Variants in OSMR observed in about 807,000 individuals in gnomAD.
OSMR encodes the protein oncostatin M receptor.
A neutral mutation model predicts 99.9 loss-of-function variants in OSMR; 81 were observed. The observed-to-expected ratio is 0.81, with a 90% CI of 0.68 to 0.97. OSMR has a LOEUF of 0.97. Ranked by LOEUF, OSMR falls within the 50% of genes least tolerant of loss-of-function variation. The probability of loss-of-function intolerance (pLI) is 0.00; values close to 1 mark genes in which losing one functional copy is unlikely to be tolerated. For synonymous variants in OSMR, 406 were observed against 410.4 expected (o/e 0.99, Z 0.13); for missense variants, 1,099 against 1,153.4 (o/e 0.95, Z 0.68).
intron 4 of OSMR, among the ~76,000 whole-genome samples, chr5:38,883,100 G>A (rs899945050): frequency 6.6e-6 from 1 of 152,178 alleles, no homozygotes; most frequent in Non-Finnish European, 1.5e-5. Context: ...GATTGCCTGA[G>A]CTCAGGAGTT....
At chr5:38,862,088 C>T (rs1741425807) in intron 1 of OSMR, among the ~76,000 whole-genome samples, 1 of 44,296 alleles carries the variant, frequency 2.3e-5, no homozygotes, top group Non-Finnish European at 4.5e-5. Context: ...GGCGGCTGGC[C>T]GGGTGGGGGG....
intron 1 of OSMR, among the ~76,000 whole-genome samples, chr5:38,859,346 C>T (rs755313193): frequency 1.1e-4 from 17 of 152,038 alleles, no homozygotes; most frequent in East Asian, 1.9e-4. Flanking sequence ...CACCATTTTT[C>T]GAAGAGTATG....
Position 38,925,244 on chromosome 5 carries a change from A to G in OSMR, c.2085A>G (p.Glu695=). 1 of 1,614,156 alleles carries G rather than the reference A, an allele frequency of 6.2e-7. No individual in the cohort carries two copies. The highest frequency in any genetic ancestry group is 1.1e-5 in the South Asian group (1 of 91,078). The part of the protein sequence containing the change: ...ECCKYKIDNP[E]EKALIVDNLK... ...GCAAATACAAAATTGACAACCCGGA[A>G]GAAAAGGCATTGATTGTGGACAACC... The change falls in exon 15 of 18, where the codon GAA becomes GAG. Residue 695 remains glutamate (E), a synonymous_variant. Transcript: ENST00000274276.
rs189612 is a variant in OSMR at position 38,926,668 on chromosome 5, C to G, written c.2212+1297C>G. 7.8e-3 allele frequency among the ~76,000 whole-genome samples: 1,194 copies of G among 152,246 alleles called. 22 individuals carry two copies. The highest frequency in any genetic ancestry group is 0.028 in the African/African-American group (1,161 of 41,540). On this transcript the variant is annotated intron_variant, in intron 15 of 17. Coordinates refer to ENST00000274276, the MANE Select transcript of OSMR (RefSeq NM_003999.3). Reference sequence around the variant, plus strand: ...CCAGGACACATGGGGAATATAGGAGCTGAAATATAAGATGAGATTTGGGTG... The same window carrying G: ...CCAGGACACATGGGGAATATAGGAGGTGAAATATAAGATGAGATTTGGGTG...
chr5:38,883,622 G>T, intron 4 of OSMR: 1 of 766,772 alleles, frequency 1.3e-6, no homozygotes, highest in Non-Finnish European at 1.6e-6. Flanking sequence ...AACAGCAGTG[G>T]TATCAGTGTA....
downstream of OSMR, chr5:38,945,115 A>G: frequency 7.6e-7 from 1 of 1,313,630 alleles, no homozygotes; most frequent in Non-Finnish European, 1.1e-6. Flanking sequence ...TAACGGCTTA[A>G]TTCCTGTGCT....
chr5:38,904,595 G>A, intron 9 of OSMR, 92 bp downstream of exon 9: 1 of 1,501,606 alleles, frequency 6.7e-7, no homozygotes, highest in Non-Finnish European at 9.2e-7. Context: ...CAAAAACTAA[G>A]AGAAAAATAT....
intron 8 of OSMR, 79 bp downstream of exon 8, chr5:38,904,103 T>C: frequency 6.3e-7 from 1 of 1,581,014 alleles, no homozygotes; most frequent in Non-Finnish European, 8.6e-7. Flanking sequence ...TAAAATCACT[T>C]TAAACTCTTA....
chr5:38,886,039 A>G lies in OSMR; in HGVS notation c.840A>G (p.Ser280=). 6.2e-7 allele frequency: 1 copy of G among 1,613,104 alleles called. No individual in the cohort carries two copies. Among genetic ancestry groups the G allele is most frequent in the Non-Finnish European group, 8.5e-7 (1 of 1,179,818 alleles). Residue 280 remains serine (S), a splice_region_variant and synonymous_variant, in exon 7 of 18, where the codon TCA becomes TCG. Coordinates refer to ENST00000274276, the MANE Select transcript of OSMR (RefSeq NM_003999.3). ...GTGTTATTTTGTTTTGTTTTTAAAG[A>G]TTTTCTGGGGAAAAGAAACTTTGTA... The part of the protein sequence containing the change: ...QPSQSYTLFE[S]FSGEKKLCTH...
At chr5:38,885,767 C>G (rs1743687007) in intron 6 of OSMR, 3 of 655,852 alleles carry the variant, frequency 4.6e-6, no homozygotes, top group South Asian at 6.8e-5. Flanking sequence ...TACCCAATTT[C>G]TGACTTTTTA....
At chr5:38,862,499 C>T (rs1426816233) in intron 1 of OSMR, among the ~76,000 whole-genome samples, 3 of 150,150 alleles carry the variant, frequency 2.0e-5, no homozygotes, top group Middle Eastern at 3.5e-3. Context: ...GGCTGCCGGG[C>T]GGAGGGGCTC....
At chr5:38,861,146 C>A (rs545683981) in intron 1 of OSMR, among the ~76,000 whole-genome samples, 2 of 151,934 alleles carry the variant, frequency 1.3e-5, no homozygotes, top group Non-Finnish European at 2.9e-5. Flanking sequence ...TTTTATTGAT[C>A]ATTCTTGGGT....
intron 11 of OSMR, among the ~76,000 whole-genome samples, chr5:38,920,038 A>C (rs1464588946): frequency 2.6e-5 from 4 of 152,142 alleles, no homozygotes. Flanking sequence ...CTTCATTAGG[A>C]TCCGAACAGG....
At chr5:38,917,848 T>C (rs1014026807) in intron 10 of OSMR, among the ~76,000 whole-genome samples, 3 of 152,148 alleles carry the variant, frequency 2.0e-5, no homozygotes, top group Non-Finnish European at 4.4e-5. Flanking sequence ...TCTCTGCAAC[T>C]TCAACTCAGG....
chr5:38,877,899 A>G (rs1218727996), intron 3 of OSMR, among the ~76,000 whole-genome samples: 2 of 152,200 alleles, frequency 1.3e-5, no homozygotes, highest in African/African-American at 4.8e-5. Flanking sequence ...GATTCCCGTA[A>G]GAGTCCTCTT....
chr5:38,890,579 C>G (rs1744086593), intron 7 of OSMR, among the ~76,000 whole-genome samples: 1 of 150,008 alleles, frequency 6.7e-6, no homozygotes, highest in Non-Finnish European at 1.5e-5. Flanking sequence ...TGCCACAGAG[C>G]TGTTGTAATT....
intron 8 of OSMR, 104 bp downstream of exon 8, chr5:38,904,128 C>G (rs1745067192): frequency 6.4e-7 from 1 of 1,556,506 alleles, no homozygotes; most frequent in South Asian, 1.2e-5. Context: ...TGTGTAGGTT[C>G]AAATGGTGTG....
At chr5:38,878,084 G>A (rs1742983924) in intron 3 of OSMR, among the ~76,000 whole-genome samples, 1 of 152,190 alleles carries the variant, frequency 6.6e-6, no homozygotes, top group Non-Finnish European at 1.5e-5. Context: ...CCAGGTGACA[G>A]AGGCAGGGTG....
At chr5:38,906,124 C>T (rs1351752725) in intron 9 of OSMR, among the ~76,000 whole-genome samples, 2 of 151,634 alleles carry the variant, frequency 1.3e-5, no homozygotes, top group East Asian at 3.8e-4. Context: ...GCATTTTCCT[C>T]AGTGTGTTTT....
Sources: allele counts gnomAD v4.1 joint callset (sites outside exome capture counted in the v4.1 genomes callset), GRCh38; gene constraint gnomAD v4.1.1; transcripts MANE v1.5; gene names NCBI Gene and HGNC (gene_info 2026-07-23, HGNC 2026-07-21).